The following CAPN5 variants were observed in gnomAD, a reference collection of about 807,000 sequenced individuals.
The protein encoded by CAPN5 is calpain-5.
CAPN5 carries 54 observed loss-of-function variants against 73.0 expected under a neutral mutation model. The ratio of observed to expected loss-of-function variants is 0.74; its 90% CI spans 0.59 to 0.93. The LOEUF is 0.93. CAPN5 is among the 40% of genes least tolerant of loss of function. The pLI is 0.00. For missense variants in CAPN5, 785 were observed against 882.9 expected (o/e 0.89, Z 1.41); for synonymous variants, 335 against 356.9 (o/e 0.94, Z 0.69).
At chr11:77,067,986 C>T (rs1030365345) in intron 1 of CAPN5, among the ~76,000 whole-genome samples, 1 of 152,104 alleles carries the variant, frequency 6.6e-6, no homozygotes, top group East Asian at 1.9e-4. Context: ...CTTCTCCCTA[C>T]ACCTGTGGTT....
chr11:77,122,165 G>A (rs979487686), intron 11 of CAPN5, 116 bp downstream of exon 11: 1 of 614,522 alleles, frequency 1.6e-6, no homozygotes, highest in Non-Finnish European at 2.8e-6. Flanking sequence ...CTGCAGGCCT[G>A]GCCATTTCTG....
intron 1 of CAPN5, among the ~76,000 whole-genome samples, chr11:77,083,422 G>A (rs1950047871): frequency 1.3e-5 from 2 of 152,204 alleles, no homozygotes; most frequent in Non-Finnish European, 1.5e-5. Flanking sequence ...AAGTGAGAGC[G>A]GCAGGGTCAT....
chr11:77,069,104 G>T (rs1383049104), intron 1 of CAPN5, among the ~76,000 whole-genome samples: 2 of 152,170 alleles, frequency 1.3e-5, no homozygotes, highest in African/African-American at 4.8e-5. Context: ...TAAATCATGT[G>T]TCTGTTCTTT....
chr11:77,101,315 T>C (rs1205961928), intron 3 of CAPN5, among the ~76,000 whole-genome samples: 1 of 152,142 alleles, frequency 6.6e-6, no homozygotes, highest in Non-Finnish European at 1.5e-5. Context: ...CAGAATGTGG[T>C]GCTGGGAAGG....
chr11:77,115,590 T>C lies in CAPN5; in HGVS notation c.893+2T>C. ...GTGGAACGGGCCCTGGAGTGACACG[T>C]GAGGCCTGGGGATGGGGGTGCAGGC... On this transcript the variant is annotated splice_donor_variant, in intron 6 of 12. Coordinates refer to ENST00000648180, the MANE Select transcript of CAPN5 (RefSeq NM_004055.5). LOFTEE classifies it high-confidence loss of function. The C allele has an allele frequency of 6.2e-7, 1 of 1,605,180 alleles. No individual in the cohort carries two copies. The highest frequency in any genetic ancestry group is 8.5e-7 in the Non-Finnish European group (1 of 1,174,510).
chr11:77,084,793 A>C (rs12362168), intron 1 of CAPN5, 59 bp from the exon 2 acceptor site: 3 of 1,473,456 alleles, frequency 2.0e-6, no homozygotes, highest in Admixed American at 1.7e-5. Context: ...TCCGCTTCAC[A>C]GGGCACATCA....
rs1238990108 is a variant in CAPN5, at chr11:77,099,739, GGGAGAGGGAGAC to G, written c.297+5950_297+5961del. 1.6e-3 allele frequency among the ~76,000 whole-genome samples: 245 copies of G among 148,688 alleles called. 1 individual carries two copies. The highest frequency in any genetic ancestry group is 3.6e-3 in the South Asian group (17 of 4,706). ...AGGGAGAGGGAGACGGAGAGGGAGA[GGGAGAGGGAGAC>G]GGAGAGGGAGACGGAGAGGGAGAGG... On this transcript the variant is annotated intron_variant, in intron 3 of 12. Transcript: ENST00000648180.
At chr11:77,111,549 A>G (rs1555040743) in intron 3 of CAPN5, among the ~76,000 whole-genome samples, 4 of 152,234 alleles carry the variant, frequency 2.6e-5, no homozygotes, top group Admixed American at 2.0e-4. Flanking sequence ...ATGCGTCATA[A>G]GTAATAAAAT....
intron 3 of CAPN5, among the ~76,000 whole-genome samples, chr11:77,099,683 C>T (rs1220964011): frequency 5.4e-5 from 8 of 147,540 alleles, no homozygotes; most frequent in African/African-American, 1.8e-4. Flanking sequence ...AGTCCAGCTT[C>T]GGCTCCACAT....
In CAPN5 at chr11:77,112,933, A is replaced by G. The variant is rs535311526; in HGVS notation, c.506+136A>G. ...CTGGTGCAGGCACGCAGCAGGCTCA[A>G]CCGCCAGGCCTGAGGGCATAGTCAG... is the stretch of plus-strand genomic sequence containing the variant. On this transcript the variant is annotated intron_variant, in intron 4 of 12. Transcript: ENST00000648180. 5.2e-5 allele frequency: 42 copies of G among 813,922 alleles called. No homozygotes were observed. The East Asian group carries it at 1.1e-3, about 21-fold the overall frequency. 50.4% of individuals were successfully genotyped at this position (813,922 alleles called of 1,614,324 possible).
At chr11:77,111,621 C>G (rs529168630) in intron 3 of CAPN5, among the ~76,000 whole-genome samples, 1 of 152,216 alleles carries the variant, frequency 6.6e-6, no homozygotes, top group South Asian at 2.1e-4. Flanking sequence ...TGCATGTTTA[C>G]TAAACATACT....
At position 77,118,240 on chromosome 11, in the gene CAPN5, A is replaced by G; in HGVS notation, c.1055A>G (p.Lys352Arg). Residue 352 changes from lysine to arginine, a missense_variant, in exon 8 of 13, where the codon AAG becomes AGG. By Grantham distance (26) the Lys-to-Arg change is conservative (BLOSUM62 2). Transcript: ENST00000648180. ...AACACATCCCACCTGAGCATCCACA[A>G]GACGTGGGAGGAGGCCCGGCTGCAT... Reference protein sequence around the residue: ...VINTSHLSIHKTWEEARLHGA... With the variant: ...VINTSHLSIHRTWEEARLHGA... 1 of 1,614,150 alleles carries G rather than the reference A, an allele frequency of 6.2e-7. No individual in the cohort carries two copies.
In CAPN5 at chr11:77,120,801, G is replaced by A. The variant is rs373394985; in HGVS notation, c.1379G>A (p.Arg460His). Residue 460 changes from arginine to histidine, a missense_variant, in exon 10 of 13, where the codon CGC (arginine) becomes CAC (histidine). Physicochemically the swap from Arg to His is conservative, Grantham distance 29. Coordinates refer to ENST00000648180, the MANE Select transcript of CAPN5 (RefSeq NM_004055.5). ...ATCAACTCACGCAGCGTCTTCCTGC[G>A]CACCGACCAGCCCGAGGGCCGCTAT... ...IYINSRSVFLRTDQPEGRYVI... is the reference protein window; with the variant it reads ...IYINSRSVFLHTDQPEGRYVI... 37 of 1,613,958 alleles carry A rather than the reference G, an allele frequency of 2.3e-5. No individual in the cohort carries two copies. The highest frequency in any genetic ancestry group is 6.7e-5 in the East Asian group (3 of 44,896).
chr11:77,071,766 T>G (rs903518380), intron 1 of CAPN5: 6 of 406,066 alleles, frequency 1.5e-5, no homozygotes, highest in Admixed American at 9.8e-5. Context: ...GGCGCTGGCA[T>G]TCTGGGTTGC....
Position 77,123,840 on chromosome 11 carries a change from T to C in CAPN5, c.1893T>C (p.Ile631=). 1 of 1,613,660 alleles carries C rather than the reference T, an allele frequency of 6.2e-7. No individual in the cohort carries two copies. The highest frequency in any genetic ancestry group is 8.5e-7 in the Non-Finnish European group (1 of 1,179,966). ...TGCCAGGCACTGTGGCCGTGCACAT[T>C]CTCAGCAGCACCTCCCTCATGGCTG... ...SNLPGTVAVH[I]LSSTSLMAV is the part of the protein sequence containing the mutation. The change falls in exon 13 of 13, where the codon ATT becomes ATC. Residue 631 remains isoleucine, a synonymous_variant. Coordinates refer to ENST00000648180, the MANE Select transcript of CAPN5 (RefSeq NM_004055.5).
chr11:77,117,145 A>C (rs1343367218), intron 7 of CAPN5, among the ~76,000 whole-genome samples: 1 of 152,098 alleles, frequency 6.6e-6, no homozygotes, highest in Admixed American at 6.5e-5. Context: ...CTGAGAGGGG[A>C]GGATTGCTTG....
At chr11:77,081,947 C>A (rs1950032111) in intron 1 of CAPN5, among the ~76,000 whole-genome samples, 1 of 152,150 alleles carries the variant, frequency 6.6e-6, no homozygotes, top group Non-Finnish European at 1.5e-5. Flanking sequence ...ATTCCTCCTG[C>A]ACTCACCTTT....
At chr11:77,094,436 T>C (rs925905020) in intron 3 of CAPN5, among the ~76,000 whole-genome samples, 15 of 152,258 alleles carry the variant, frequency 9.9e-5, no homozygotes, top group Non-Finnish European at 2.9e-5. Context: ...GAATAGGCTC[T>C]GGTCCTGCAA....
intron 3 of CAPN5, chr11:77,103,444 G>A: frequency 7.4e-7 from 1 of 1,359,230 alleles, no homozygotes. Context: ...CCTGTCCTCT[G>A]CTTGCCCAGA....
Sources: allele counts gnomAD v4.1 joint callset (sites outside exome capture counted in the v4.1 genomes callset), GRCh38; gene constraint gnomAD v4.1.1; transcripts MANE v1.5; gene names NCBI Gene and HGNC (gene_info 2026-07-23, HGNC 2026-07-21).